MAP1S: variants seen among roughly 807,000 people sequenced by gnomAD.
The protein encoded by MAP1S is microtubule-associated protein 1S.
In MAP1S, 27 loss-of-function variants were observed where a neutral mutation model predicts 60.9. That is an observed-to-expected ratio of 0.44 (90% confidence interval 0.33 to 0.61). The LOEUF (loss-of-function observed/expected upper bound fraction) is 0.61. Among genes scored for constraint, MAP1S ranks in the 20% least tolerant of loss-of-function variants. The pLI, the probability that MAP1S is intolerant of heterozygous loss-of-function variation, is 0.03. For missense variants in MAP1S, 1,608 were observed against 1,486.6 expected (o/e 1.08, Z -1.34); for synonymous variants, 826 against 694.2 (o/e 1.19, Z -2.98).
chr19:17,726,878 C>T lies in MAP1S; in HGVS notation c.1494C>T (p.Arg498=). The T allele has an allele frequency of 6.4e-7, 1 of 1,556,282 alleles. No homozygotes were observed. The highest frequency in any genetic ancestry group is 8.7e-7 in the Non-Finnish European group (1 of 1,150,410). The change falls in exon 5 of 7, where the codon CGC becomes CGT. Residue 498 remains arginine, a synonymous_variant. Transcript: ENST00000324096. ...LATHPRPGQE[R]PGVARKEPAR... ...CCCACCCTAGACCTGGCCAGGAGCG[C>T]CCTGGGGTGGCCCGCAAGGAGCCAG... is the stretch of plus-strand genomic sequence containing the variant.
At chr19:17,724,638 A>G (rs1016704560) in intron 3 of MAP1S, among the ~76,000 whole-genome samples, 8 of 152,174 alleles carry the variant, frequency 5.3e-5, no homozygotes, top group Admixed American at 1.3e-4. Flanking sequence ...GCATCCCACT[A>G]CAGACCTTCT....
rs915554886 is a variant in MAP1S at position 17,719,638 on chromosome 19, G to A, written c.118+18G>A. 21 of 1,212,374 alleles carry A rather than the reference G, an allele frequency of 1.7e-5. No individual in the cohort carries two copies. The highest frequency in any genetic ancestry group is 2.2e-5 in the Non-Finnish European group (21 of 963,164). The allele number at this position is 1,212,374 out of a possible 1,614,324, so 75.1% of individuals were successfully genotyped here. A position where few individuals can be genotyped will look rare whatever the true frequency, so the allele number is the denominator to read the frequency against. ...CGAAAGAGGTCGGGCTGGCCTGGGG[G>A]CCCGCGGGAGCCCGGGAGGCGGGCC... On this transcript the variant is annotated intron_variant, in intron 1 of 6. Coordinates refer to ENST00000324096, the MANE Select transcript of MAP1S (RefSeq NM_018174.6).
Position 17,726,685 on chromosome 19 carries a change from G to A in MAP1S, c.1301G>A (p.Gly434Asp). ...GEKVVRVLFPGCTPPACLLDG... is the reference protein window; with the variant it reads ...GEKVVRVLFPDCTPPACLLDG... ...AAGGTGGTGCGCGTGCTGTTCCCCGGTTGCACCCCGCCCGCCTGCCTCCTG... is the reference window on the plus strand; with the variant it reads ...AAGGTGGTGCGCGTGCTGTTCCCCGATTGCACCCCGCCCGCCTGCCTCCTG... The change falls in exon 5 of 7, where the codon GGT (glycine) becomes GAT (aspartate). Residue 434 changes from glycine to aspartate, a missense_variant. Coordinates refer to ENST00000324096, the MANE Select transcript of MAP1S (RefSeq NM_018174.6). 3 of 1,585,420 alleles carry A rather than the reference G, an allele frequency of 1.9e-6. No homozygotes were observed. Among genetic ancestry groups the A allele is most frequent in the Non-Finnish European group, 2.6e-6 (3 of 1,169,884 alleles).
intron 6 of MAP1S, 88 bp downstream of exon 6, chr19:17,733,516 T>C (rs2287860): frequency 0.48 from 547,041 of 1,130,246 alleles, 138,939 homozygotes; most frequent in African/African-American, 0.64. Context: ...TAAGCTGTGT[T>C]CCCCAGGCCA....
At chr19:17,720,901 G>C in intron 1 of MAP1S, 35 bp from the exon 2 acceptor site, 1 of 1,541,918 alleles carries the variant, frequency 6.5e-7, no homozygotes, top group Non-Finnish European at 9.0e-7. Flanking sequence ...GGGGGGCCCG[G>C]CTGAACTCCC....
chr19:17,727,893 C>A lies in MAP1S; in HGVS notation c.2509C>A (p.Pro837Thr), dbSNP rs758756053. 7.4e-6 allele frequency: 12 copies of A among 1,612,956 alleles called. No individual in the cohort carries two copies. In the African/African-American group the frequency reaches 1.6e-4, roughly 22 times the overall value. Reference protein sequence around the residue: ...PLKVPPPLPDPSSICMVDPEM... With the variant: ...PLKVPPPLPDTSSICMVDPEM... ...CAAGGTCCCCCCACCACTGCCTGACCCATCCAGCATCTGCATGGTGGACCC... is the reference window on the plus strand; with the variant it reads ...CAAGGTCCCCCCACCACTGCCTGACACATCCAGCATCTGCATGGTGGACCC... Residue 837 changes from proline to threonine, a missense_variant, in exon 5 of 7, where the codon CCA becomes ACA. Around this residue, in one of 4 missense-constraint regions of MAP1S, gnomAD observed 1,167 missense variants for 961.4 expected, o/e 1.21. Coordinates refer to ENST00000324096, the MANE Select transcript of MAP1S (RefSeq NM_018174.6). This position sits in a 1 kb window ranked among gnomAD's most constrained non-coding sequence, Gnocchi z 4.1.
At position 17,727,327 on chromosome 19, in the gene MAP1S, C is replaced by G; in HGVS notation, c.1943C>G (p.Ala648Gly). 1 of 1,591,358 alleles carries G rather than the reference C, an allele frequency of 6.3e-7. No homozygotes were observed. The highest frequency in any genetic ancestry group is 8.5e-7 in the Non-Finnish European group (1 of 1,173,086). ...TPSPESHRSP[A>G]EGSERLSLSP... is the part of the protein sequence containing the mutation. ...TCCCCTGAGTCCCACCGGAGCCCCG[C>G]AGAGGGCAGCGAGCGGCTGTCGCTG... The change falls in exon 5 of 7, where the codon GCA (alanine) becomes GGA (glycine). Residue 648 changes from alanine to glycine, a missense_variant. By Grantham distance (60) the Ala-to-Gly change is moderately conservative. Around this residue, in one of 4 missense-constraint regions of MAP1S, gnomAD observed 1,167 missense variants for 961.4 expected, o/e 1.21. Transcript: ENST00000324096. The surrounding 1 kb of genome is among the most constrained non-coding windows in gnomAD (Gnocchi z 4.1).
rs748570125 is a variant in MAP1S, at chr19:17,726,194, C to T, written c.810C>T (p.Asn270=). The T allele has an allele frequency of 1.2e-6, 2 of 1,612,262 alleles. No homozygotes were observed. The part of the protein sequence containing the change: ...GFTVLVNGGS[N]PKSSFWKLVR... The stretch of plus-strand genomic sequence containing the variant: ...CTGTGCTGGTCAACGGTGGCTCAAA[C>T]CCCAAGTCCAGTTTCTGGAAGCTGG... The change falls in exon 5 of 7, where the codon AAC becomes AAT. Residue 270 remains asparagine, a synonymous_variant. Transcript: ENST00000324096.
chr19:17,730,757 T>C (rs891687480), intron 5 of MAP1S, among the ~76,000 whole-genome samples: 2 of 152,238 alleles, frequency 1.3e-5, no homozygotes, highest in Non-Finnish European at 2.9e-5. Context: ...TTTATTCTTT[T>C]GATAGTGCCC....
rs139995274 is a variant in MAP1S, at chr19:17,720,554, G to T, written c.119-382G>T. Reference sequence around the variant, plus strand: ...GGACAGTCAGTCTTAGCACCCGAAGGTGCTGAGGGGGAAGGGCCCCCTGGC... The same window carrying T: ...GGACAGTCAGTCTTAGCACCCGAAGTTGCTGAGGGGGAAGGGCCCCCTGGC... On this transcript the variant is annotated intron_variant, in intron 1 of 6. Transcript: ENST00000324096. The T allele has an allele frequency of 1.9e-5, 27 of 1,445,628 alleles. No individual in the cohort carries two copies. The East Asian group carries it at 6.8e-4, about 36-fold the overall frequency. 89.6% of individuals were successfully genotyped at this position (1,445,628 alleles called of 1,614,324 possible). A position where few individuals can be genotyped will look rare whatever the true frequency, so the allele number is the denominator to read the frequency against.
In MAP1S at chr19:17,726,406, C is replaced by T. The variant is rs771171800; in HGVS notation, c.1022C>T (p.Ala341Val). 1.9e-6 allele frequency: 3 copies of T among 1,579,202 alleles called. No individual in the cohort carries two copies. The highest frequency in any genetic ancestry group is 2.6e-6 in the Non-Finnish European group (3 of 1,169,978). Residue 341 changes from alanine (A) to valine (V), a missense_variant, in exon 5 of 7, where the codon GCC becomes GTC. Physicochemically the swap from Ala to Val is moderately conservative, Grantham distance 64. Around this residue, in one of 4 missense-constraint regions of MAP1S, gnomAD observed 1,167 missense variants for 961.4 expected, o/e 1.21. Coordinates refer to ENST00000324096, the MANE Select transcript of MAP1S (RefSeq NM_018174.6). ...SPNLGVVFFN[A>V]CEAASRLARG... ...AACCTGGGGGTCGTGTTCTTCAACG[C>T]CTGCGAGGCCGCGTCGCGGCTGGCG...
At position 17,733,277 on chromosome 19, in the gene MAP1S, G is replaced by A. The variant is rs768563496; in HGVS notation, c.2873G>A (p.Ser958Asn). The A allele has an allele frequency of 1.3e-6, 2 of 1,571,282 alleles. No homozygotes were observed. Among genetic ancestry groups the A allele is most frequent in the South Asian group, 2.3e-5 (2 of 85,692 alleles). Residue 958 changes from serine to asparagine, a missense_variant, in exon 6 of 7, where the codon AGC becomes AAC. This residue lies in a region of MAP1S where 1,167 missense variants were observed against 961.4 expected (regional missense o/e 1.21). Coordinates refer to ENST00000324096, the MANE Select transcript of MAP1S (RefSeq NM_018174.6). ...GACCTGGCCTACCTGCCCAGCGGGA[G>A]CAGCGCCCACCTGGTGGATGAGGAG... ...YLDLAYLPSG[S>N]SAHLVDEEFF...
chr19:17,730,874 T>A lies in MAP1S; in HGVS notation c.2789-2319T>A, dbSNP rs898402576. The stretch of plus-strand genomic sequence containing the variant: ...ACCCAATAAATGATTGCCACATCGA[T>A]TTTTTTTCTTTTTTCTTTTTCTTTT... On this transcript the variant is annotated intron_variant, in intron 5 of 6. Transcript: ENST00000324096. Among the ~76,000 whole-genome samples, 4 of 151,694 alleles carry A rather than the reference T, an allele frequency of 2.6e-5. No homozygotes were observed. The East Asian group carries it at 7.7e-4, about 29-fold the overall frequency.
chr19:17,727,524 G>A lies in MAP1S; in HGVS notation c.2140G>A (p.Glu714Lys), dbSNP rs1425244442. ...QVLPPSAPTS[E>K]AGLSLPLRGP... Reference sequence around the variant, plus strand: ...GCTGCCGCCATCCGCCCCCACCAGTGAGGCTGGGCTGAGCCTCCCGCTGCG... The same window carrying A: ...GCTGCCGCCATCCGCCCCCACCAGTAAGGCTGGGCTGAGCCTCCCGCTGCG... Residue 714 changes from glutamate (E) to lysine (K), a missense_variant, in exon 5 of 7, where the codon GAG becomes AAG. By Grantham distance (56) the Glu-to-Lys change is moderately conservative. Around this residue, in one of 4 missense-constraint regions of MAP1S, gnomAD observed 1,167 missense variants for 961.4 expected, o/e 1.21. Coordinates refer to ENST00000324096, the MANE Select transcript of MAP1S (RefSeq NM_018174.6). The surrounding 1 kb of genome is among the most constrained non-coding windows in gnomAD (Gnocchi z 4.1). The A allele has an allele frequency of 1.2e-5, 20 of 1,610,478 alleles. No individual in the cohort carries two copies. The highest frequency in any genetic ancestry group is 8.3e-5 in the Admixed American group (5 of 59,950).
intron 2 of MAP1S, among the ~76,000 whole-genome samples, chr19:17,721,801 A>G (rs1026947501): frequency 1.3e-5 from 2 of 152,194 alleles, no homozygotes; most frequent in Admixed American, 1.3e-4. Flanking sequence ...AGGCCTGGGT[A>G]TACAGTAGGC....
At position 17,727,476 on chromosome 19, in the gene MAP1S, C is replaced by T. The variant is rs1423522815; in HGVS notation, c.2092C>T (p.Leu698=). Residue 698 remains leucine, a synonymous_variant, in exon 5 of 7, where the codon CTG becomes TTG. Coordinates refer to ENST00000324096, the MANE Select transcript of MAP1S (RefSeq NM_018174.6). The surrounding 1 kb of genome is among the most constrained non-coding windows in gnomAD (Gnocchi z 4.1). ...GCACTCGACCGAGGTGGACGAGTCC[C>T]TGTCGGTGTCCTTTGAGCAGGTGCT... The part of the protein sequence containing the change: ...SPHSTEVDES[L]SVSFEQVLPP... 6.2e-7 allele frequency: 1 copy of T among 1,609,720 alleles called. No individual in the cohort carries two copies.
chr19:17,720,897 C>A, intron 1 of MAP1S, 39 bp from the exon 2 acceptor site: 3 of 1,496,510 alleles, frequency 2.0e-6, no homozygotes, highest in Non-Finnish European at 2.8e-6. Context: ...AGCTGGGGGG[C>A]CCGGCTGAAC....
intron 6 of MAP1S, 145 bp downstream of exon 6, chr19:17,733,573 AG>A: frequency 3.1e-6 from 2 of 654,766 alleles, no homozygotes; most frequent in South Asian, 4.3e-5. Context: ...CTCAGCCCTT[AG>A]GGGTCTCTTC....
In MAP1S at chr19:17,726,238, T is replaced by C; in HGVS notation, c.854T>C (p.Val285Ala). ...FWKLVRHLDRVDAVLVTHPGA... is the reference protein window; with the variant it reads ...FWKLVRHLDRADAVLVTHPGA... ...AAGCTGGTGCGGCACCTGGACCGCG[T>C]GGATGCCGTGCTGGTGACCCACCCT... Residue 285 changes from valine (V) to alanine (A), a missense_variant, in exon 5 of 7, where the codon GTG (valine) becomes GCG (alanine). Around this residue, in one of 4 missense-constraint regions of MAP1S, gnomAD observed 320 missense variants for 393.1 expected, o/e 0.81. Transcript: ENST00000324096. 2 of 1,608,220 alleles carry C rather than the reference T, an allele frequency of 1.2e-6. No individual in the cohort carries two copies. Among genetic ancestry groups the C allele is most frequent in the South Asian group, 1.1e-5 (1 of 90,084 alleles).
Sources: allele counts gnomAD v4.1 joint callset (sites outside exome capture counted in the v4.1 genomes callset), GRCh38; gene constraint gnomAD v4.1.1; regional missense constraint gnomAD v4.1.1; non-coding constraint Gnocchi (gnomAD v3.1); transcripts MANE v1.5; gene names NCBI Gene and HGNC (gene_info 2026-07-23, HGNC 2026-07-21).